Variants in CSGALNACT1 observed in about 807,000 individuals in gnomAD.
CSGALNACT1 encodes the protein beta4GalNAcT-1.
CSGALNACT1 carries 52 observed loss-of-function variants against 51.0 expected under a neutral mutation model. The ratio of observed to expected loss-of-function variants is 1.02; its 90% confidence interval spans 0.82 to 1.29. CSGALNACT1 has a LOEUF of 1.29. Among genes scored for constraint, CSGALNACT1 ranks in the 50% most tolerant of loss-of-function variants. The pLI, the probability that CSGALNACT1 is intolerant of heterozygous loss-of-function variation, is 0.00. For synonymous variants in CSGALNACT1, 341 were observed against 254.4 expected (o/e 1.34, Z -3.24); for missense variants, 935 against 679.2 (o/e 1.38, Z -4.19).
chr8:19,540,911 C>A (rs2084947279), intron 3 of CSGALNACT1, among the ~76,000 whole-genome samples: 1 of 152,152 alleles, frequency 6.6e-6, no homozygotes, highest in African/African-American at 2.4e-5. Flanking sequence ...TGAGGTAGCA[C>A]TCCTCCACTG....
intron 4 of CSGALNACT1, among the ~76,000 whole-genome samples, chr8:19,461,036 G>C (rs780559144): frequency 6.6e-6 from 1 of 152,176 alleles, no homozygotes; most frequent in Non-Finnish European, 1.5e-5. Flanking sequence ...CCGAGACACG[G>C]AGGAATTACA....
chr8:19,461,333 G>A lies in CSGALNACT1; in HGVS notation c.635-2691C>T, dbSNP rs190514206. ...CTTTTCCCATCTCTGATGCTGTCTGGGATCACAAGGTGAACCACCAACTCC... is the reference window on the plus strand; with the variant it reads ...CTTTTCCCATCTCTGATGCTGTCTGAGATCACAAGGTGAACCACCAACTCC... On this transcript the variant is annotated intron_variant, in intron 4 of 9. Coordinates refer to ENST00000454498, the Ensembl canonical transcript of CSGALNACT1. Among the ~76,000 whole-genome samples, 7 of 152,312 alleles carry A rather than the reference G, an allele frequency of 4.6e-5. No homozygotes were observed. The South Asian group carries it at 8.3e-4, about 18-fold the overall frequency.
chr8:19,619,006 T>C (rs1181023097), intron 1 of CSGALNACT1, among the ~76,000 whole-genome samples: 1 of 152,042 alleles, frequency 6.6e-6, no homozygotes, highest in African/African-American at 2.4e-5. Context: ...CTCAGAACTG[T>C]CAGGCTCTAT....
At chr8:19,452,261 C>A (rs1197706455) in intron 5 of CSGALNACT1, among the ~76,000 whole-genome samples, 1 of 152,104 alleles carries the variant, frequency 6.6e-6, no homozygotes, top group African/African-American at 2.4e-5. Flanking sequence ...GCCTGGGGGA[C>A]CTAGGGAAGA....
At chr8:19,467,598 C>T (rs1486477711) in intron 4 of CSGALNACT1, among the ~76,000 whole-genome samples, 4 of 150,878 alleles carry the variant, frequency 2.7e-5, no homozygotes, top group African/African-American at 9.7e-5. Flanking sequence ...GCCAGCCTCG[C>T]GGAGTTCAAA....
intron 5 of CSGALNACT1, 102 bp from the exon 5 acceptor site, chr8:19,440,033 A>G: frequency 1.1e-6 from 1 of 918,540 alleles, no homozygotes; most frequent in Non-Finnish European, 1.8e-6. Flanking sequence ...CTTGAAGGAA[A>G]CTAGGTAAAC....
rs187533974 is a variant in CSGALNACT1, at chr8:19,661,635, T to C, written c.-544+20838A>G. Among the ~76,000 whole-genome samples the C allele has an allele frequency of 6.6e-5, 10 of 152,260 alleles. No individual in the cohort carries two copies. The East Asian group carries it at 1.9e-3, about 29-fold the overall frequency. ...TGGGACATAGGATAGCCATCCCAGATCTTCATTCATGATCATCTATGCCAT... is the reference window on the plus strand; with the variant it reads ...TGGGACATAGGATAGCCATCCCAGACCTTCATTCATGATCATCTATGCCAT... On this transcript the variant is annotated intron_variant, in intron 1 of 9. Coordinates refer to the CSGALNACT1 transcript ENST00000332246.
intron 1 of CSGALNACT1, among the ~76,000 whole-genome samples, chr8:19,638,818 A>T (rs2056412477): frequency 6.6e-6 from 1 of 152,096 alleles, no homozygotes; most frequent in Non-Finnish European, 1.5e-5. Context: ...GGTATTTTGT[A>T]AATTCAATAG....
chr8:19,413,370 A>G (rs1409920414), intron 8 of CSGALNACT1, among the ~76,000 whole-genome samples: 1 of 152,194 alleles, frequency 6.6e-6, no homozygotes, highest in Non-Finnish European at 1.5e-5. Context: ...TAGCCGCTAC[A>G]GGCATCTGGC....
At chr8:19,671,107 G>T (rs2059764193) in intron 1 of CSGALNACT1, among the ~76,000 whole-genome samples, 1 of 152,196 alleles carries the variant, frequency 6.6e-6, no homozygotes, top group Non-Finnish European at 1.5e-5. Flanking sequence ...CAGAGTGGAG[G>T]GCAGGAAGAG....
At chr8:19,550,510 AG>A (rs2087732824) in intron 3 of CSGALNACT1, among the ~76,000 whole-genome samples, 1 of 152,066 alleles carries the variant, frequency 6.6e-6, no homozygotes, top group African/African-American at 2.4e-5. Context: ...TACCAATTAT[AG>A]GTTTTTGAAG....
intron 1 of CSGALNACT1, among the ~76,000 whole-genome samples, chr8:19,641,291 G>A: frequency 6.6e-6 from 1 of 151,938 alleles, no homozygotes; most frequent in East Asian, 1.9e-4. Flanking sequence ...GGGAGTCTGG[G>A]CTTTCTCCAG....
chr8:19,669,644 TG>T (rs959611435), intron 1 of CSGALNACT1, among the ~76,000 whole-genome samples: 3 of 150,996 alleles, frequency 2.0e-5, no homozygotes, highest in African/African-American at 7.4e-5. Flanking sequence ...GTTTTTGTTT[TG>T]TTTTTTTTAG....
At chr8:19,505,787 C>T in exon 4 of CSGALNACT1, 1 of 1,613,834 alleles carries the variant, frequency 6.2e-7, no homozygotes. Context: ...CCAGCAAAAC[C>T]ACCACCCGGG....
chr8:19,468,294 T>A (rs12542266), intron 4 of CSGALNACT1, among the ~76,000 whole-genome samples: 3,338 of 152,222 alleles, frequency 0.022, 128 homozygotes, highest in African/African-American at 0.076. Flanking sequence ...CTTGTTATGT[T>A]TGGCCACCTT....
chr8:19,505,049 G>A lies in CSGALNACT1; in HGVS notation c.634+152C>T, dbSNP rs117194398. 1.6e-5 allele frequency: 12 copies of A among 747,338 alleles called. No individual in the cohort carries two copies. In the East Asian group the frequency reaches 2.9e-4, roughly 18 times the overall value. The allele number at this position is 747,338 out of a possible 1,614,324, so 46.3% of individuals were successfully genotyped here. ...AACAGATGTTTCTGAAAAATAAAAA[G>A]CCATGCCGTACCTTTTGGTGTCACA... On this transcript the variant is annotated intron_variant, in intron 4 of 9. Coordinates refer to ENST00000454498, the Ensembl canonical transcript of CSGALNACT1.
At chr8:19,696,646 C>G (rs1165049510) in intron 1 of CSGALNACT1, among the ~76,000 whole-genome samples, 62 of 152,162 alleles carry the variant, frequency 4.1e-4, no homozygotes, top group Admixed American at 4.1e-3. Flanking sequence ...GCAAGACATT[C>G]AGCCTCTCTA....
chr8:19,620,769 T>C (rs1377838364), intron 1 of CSGALNACT1, among the ~76,000 whole-genome samples: 2 of 152,150 alleles, frequency 1.3e-5, no homozygotes, highest in Admixed American at 6.5e-5. Flanking sequence ...CTTTTATTTT[T>C]AAGATATCCT....
intron 1 of CSGALNACT1, among the ~76,000 whole-genome samples, chr8:19,608,949 A>G (rs1275072493): frequency 6.6e-6 from 1 of 152,144 alleles, no homozygotes; most frequent in African/African-American, 2.4e-5. Flanking sequence ...TGCCTCCCAA[A>G]TGGTCTCTCA....
Sources: gnomAD v4.1 joint callset for allele counts (sites outside exome capture counted in the v4.1 genomes callset) on GRCh38, gnomAD v4.1.1 for gene constraint, MANE v1.5 for transcripts, NCBI Gene and HGNC (gene_info 2026-07-23, HGNC 2026-07-21) for gene names.